Variants in TRAF3 observed in about 807,000 individuals in gnomAD.
TRAF3 encodes TNF receptor-associated factor 3.
A neutral mutation model predicts 62.3 loss-of-function variants in TRAF3; 13 were observed. The ratio of observed to expected loss-of-function variants is 0.21; its 90% CI spans 0.14 to 0.33. The LOEUF is 0.33. Ranked by LOEUF, TRAF3 falls within the 10% of genes least tolerant of loss-of-function variation. TRAF3 has a pLI of 1.00. For synonymous variants in TRAF3, 269 were observed against 283.4 expected (o/e 0.95, Z 0.51); for missense variants, 440 against 741.8 (o/e 0.59, Z 4.73).
At chr14:102,817,436 T>TA (rs1899605001) in intron 1 of TRAF3, among the ~76,000 whole-genome samples, 1 of 152,118 alleles carries the variant, frequency 6.6e-6, no homozygotes, top group South Asian at 2.1e-4. Flanking sequence ...CATTAGCACT[T>TA]ACCGTGCTCT....
intron 1 of TRAF3, among the ~76,000 whole-genome samples, chr14:102,807,069 ATGCCGGT>A (rs1403653960): frequency 6.6e-6 from 1 of 152,116 alleles, no homozygotes; most frequent in Non-Finnish European, 1.5e-5. Flanking sequence ...CCTTCTGCTG[ATGCCGGT>A]GGCCCCAACT....
chr14:102,897,228 T>C, intron 9 of TRAF3, 33 bp from the exon 10 acceptor site: 1 of 1,590,542 alleles, frequency 6.3e-7, no homozygotes, highest in Non-Finnish European at 8.6e-7. Context: ...AAAACCACTT[T>C]TGGTTACATT....
intron 10 of TRAF3, among the ~76,000 whole-genome samples, chr14:102,899,141 T>C (rs1181969113): frequency 6.6e-6 from 1 of 152,258 alleles, no homozygotes; most frequent in Non-Finnish European, 1.5e-5. Flanking sequence ...AGGCGTGGTC[T>C]ACACAGAAGG....
intron 2 of TRAF3, among the ~76,000 whole-genome samples, chr14:102,833,155 T>C (rs1885752997): frequency 1.3e-5 from 2 of 152,208 alleles, no homozygotes; most frequent in South Asian, 2.1e-4. Context: ...GCCTGTGGAC[T>C]GTCAGCTCTG....
At chr14:102,872,341 C>G (rs903181654) in intron 4 of TRAF3, among the ~76,000 whole-genome samples, 2 of 152,210 alleles carry the variant, frequency 1.3e-5, no homozygotes, top group African/African-American at 4.8e-5. Context: ...AGGTCTTTAT[C>G]CCAGACAGCT....
intron 4 of TRAF3, 24 bp from the exon 5 acceptor site, chr14:102,875,599 CA>C: frequency 6.3e-7 from 1 of 1,597,684 alleles, no homozygotes. Flanking sequence ...ATTAATCCTC[CA>C]AAATAATGAT....
chr14:102,787,480 C>T (rs574672431), intron 1 of TRAF3, among the ~76,000 whole-genome samples: 32 of 150,010 alleles, frequency 2.1e-4, no homozygotes, highest in African/African-American at 7.4e-4. Context: ...AGTTCGAGAC[C>T]AGCCTGGCCA....
At chr14:102,862,983 T>G (rs1033177911) in intron 2 of TRAF3, among the ~76,000 whole-genome samples, 5 of 152,166 alleles carry the variant, frequency 3.3e-5, no homozygotes, top group African/African-American at 7.2e-5. Flanking sequence ...TTTATCAATA[T>G]TTTCTATTCA....
intron 2 of TRAF3, among the ~76,000 whole-genome samples, chr14:102,844,465 G>T (rs1886572988): frequency 6.6e-6 from 1 of 152,114 alleles, no homozygotes; most frequent in African/African-American, 2.4e-5. Context: ...TCCTGACCTG[G>T]GTTGTGTGTT....
intron 1 of TRAF3, among the ~76,000 whole-genome samples, chr14:102,818,777 T>C (rs904761923): frequency 2.6e-5 from 4 of 152,128 alleles, no homozygotes; most frequent in African/African-American, 9.7e-5. Flanking sequence ...TGGATGATAA[T>C]CATGTATTGT....
chr14:102,851,236 A>G (rs551483465), intron 2 of TRAF3, among the ~76,000 whole-genome samples: 1 of 152,376 alleles, frequency 6.6e-6, no homozygotes, highest in South Asian at 2.1e-4. Context: ...TAAAAATAGA[A>G]CTTAACTATT....
intron 3 of TRAF3, 21 bp downstream of exon 3, chr14:102,870,467 C>A (rs28670970): frequency 1.9e-6 from 3 of 1,610,796 alleles, no homozygotes; most frequent in Non-Finnish European, 2.5e-6. Flanking sequence ...TCGCCCGGCC[C>A]GTCGCCCGGC....
intron 2 of TRAF3, among the ~76,000 whole-genome samples, chr14:102,850,152 G>C (rs1199005548): frequency 6.6e-6 from 1 of 152,190 alleles, no homozygotes; most frequent in African/African-American, 2.4e-5. Flanking sequence ...TGGAGGCATA[G>C]AAGAAAGTGA....
intron 9 of TRAF3, among the ~76,000 whole-genome samples, 163 bp from the exon 10 acceptor site, chr14:102,897,093 GAAAGA>G (rs1220042931): frequency 2.0e-5 from 3 of 152,070 alleles, no homozygotes; most frequent in African/African-American, 7.2e-5. Context: ...AAAAAAGAAA[GAAAGA>G]AAAGTACCAG....
chr14:102,887,112 A>T (rs1222770084), intron 7 of TRAF3, among the ~76,000 whole-genome samples: 2 of 152,214 alleles, frequency 1.3e-5, no homozygotes, highest in Admixed American at 6.5e-5. Context: ...TGATCAGGAT[A>T]TGTCCAGTTG....
chr14:102,823,378 T>C (rs1381848287), intron 1 of TRAF3, among the ~76,000 whole-genome samples: 2 of 152,214 alleles, frequency 1.3e-5, no homozygotes, highest in African/African-American at 4.8e-5. Flanking sequence ...GGGGAGAGTG[T>C]TGATAAGTTC....
At chr14:102,788,397 C>T (rs551838029) in intron 1 of TRAF3, among the ~76,000 whole-genome samples, 31 of 152,130 alleles carry the variant, frequency 2.0e-4, no homozygotes, top group Non-Finnish European at 3.7e-4. Flanking sequence ...CATGGTAGCC[C>T]GCACCTGTAA....
chr14:102,809,682 C>G (rs1263701918), intron 1 of TRAF3, among the ~76,000 whole-genome samples: 1 of 151,654 alleles, frequency 6.6e-6, no homozygotes, highest in Non-Finnish European at 1.5e-5. Context: ...AGGCGCTCGC[C>G]ACCACACCCG....
At chr14:102,793,394 T>G (rs1035766737) in intron 1 of TRAF3, among the ~76,000 whole-genome samples, 4 of 151,976 alleles carry the variant, frequency 2.6e-5, no homozygotes, top group Non-Finnish European at 5.9e-5. Context: ...CCTCAAGTGA[T>G]CCTCTTGCCT....
Sources: gnomAD v4.1 joint callset for allele counts (sites outside exome capture counted in the v4.1 genomes callset) on GRCh38, gnomAD v4.1.1 for gene constraint, MANE v1.5 for transcripts, NCBI Gene and HGNC (gene_info 2026-07-23, HGNC 2026-07-21) for gene names.